Variants in MMP2 observed in about 807,000 individuals in gnomAD.
MMP2 encodes 72 kDa type IV collagenase.
In MMP2, 39 loss-of-function variants were observed where a neutral mutation model predicts 74.8. The ratio of observed to expected loss-of-function variants is 0.52; its 90% CI spans 0.40 to 0.68. The LOEUF is 0.68. Ranked by LOEUF, MMP2 falls within the 30% of genes least tolerant of loss-of-function variation. The probability of loss-of-function intolerance (pLI) is 0.00; values close to 1 mark genes in which losing one functional copy is unlikely to be tolerated. For missense variants in MMP2, 803 were observed against 878.3 expected (o/e 0.91, Z 1.08); for synonymous variants, 367 against 339.8 (o/e 1.08, Z -0.88).
intron 12 of MMP2, 139 bp from the exon 13 acceptor site, chr16:55,505,200 C>A: frequency 1.3e-6 from 1 of 799,848 alleles, no homozygotes; most frequent in Non-Finnish European, 2.2e-6. Flanking sequence ...AGCAATCCTC[C>A]TGCCTCAGCC....
At chr16:55,489,867 C>T in intron 7 of MMP2, 43 bp downstream of exon 7, 1 of 1,603,706 alleles carries the variant, frequency 6.2e-7, no homozygotes, top group Non-Finnish European at 8.5e-7. Context: ...GGACATTGCC[C>T]TTGCCCCTAA....
chr16:55,505,276 GA>G, intron 12 of MMP2, 62 bp from the exon 13 acceptor site: 1 of 1,382,782 alleles, frequency 7.2e-7, no homozygotes, highest in East Asian at 2.3e-5. Context: ...AAGTTCCCAG[GA>G]ACCTTCTGTG....
intron 3 of MMP2, among the ~76,000 whole-genome samples, chr16:55,484,884 G>T (rs1185766564): frequency 6.6e-6 from 1 of 152,206 alleles, no homozygotes; most frequent in Non-Finnish European, 1.5e-5. Context: ...GATTCATGTT[G>T]CAGATATTGG....
In MMP2 at chr16:55,496,851, G is replaced by T; in HGVS notation, c.1473-75G>T. 3.8e-6 allele frequency: 6 copies of T among 1,596,068 alleles called. No individual in the cohort carries two copies. The South Asian group carries it at 5.5e-5, about 15-fold the overall frequency. On this transcript the variant is annotated intron_variant, in intron 9 of 12. Coordinates refer to ENST00000219070, the MANE Select transcript of MMP2 (RefSeq NM_004530.6). ...TCATCTCTGGGATGTTTCTGGGTGG[G>T]TTTGGGGGTGTGTGTGGTTCGAGCT...
Position 55,498,410 on chromosome 16 carries a change from C to T in MMP2, c.1731C>T (p.Asn577=). The change falls in exon 11 of 13, where the codon AAC becomes AAT. Residue 577 remains asparagine (N), a synonymous_variant. Coordinates refer to ENST00000219070, the MANE Select transcript of MMP2 (RefSeq NM_004530.6). ...ATGCCGCCTTTAACTGGAGCAAAAA[C>T]AAGAAGACATACATCTTTGCTGGAG... ...RVDAAFNWSK[N]KKTYIFAGDK... is the part of the protein sequence containing the mutation. 6.2e-7 allele frequency: 1 copy of T among 1,614,228 alleles called. No individual in the cohort carries two copies. The highest frequency in any genetic ancestry group is 8.5e-7 in the Non-Finnish European group (1 of 1,180,046).
At chr16:55,482,780 G>T in intron 1 of MMP2, 129 bp from the exon 2 acceptor site, 1 of 795,562 alleles carries the variant, frequency 1.3e-6, no homozygotes. Context: ...CCAGTGCTCT[G>T]GGACCCCTGG....
chr16:55,495,382 G>A (rs897834248), intron 9 of MMP2, among the ~76,000 whole-genome samples: 2 of 152,190 alleles, frequency 1.3e-5, no homozygotes, highest in Non-Finnish European at 2.9e-5. Flanking sequence ...CAAAAGGAAC[G>A]TGATGAGTGT....
In MMP2 at chr16:55,479,467, A is replaced by T; in HGVS notation, c.-13A>T. On this transcript the variant is annotated 5_prime_UTR_variant, in exon 1 of 13. Transcript: ENST00000219070. Reference sequence around the variant, plus strand: ...CGACCCCCGGGCGACGCGCGGGGCCAGGGAGCGCTACGATGGAGGCGCTAA... The same window carrying T: ...CGACCCCCGGGCGACGCGCGGGGCCTGGGAGCGCTACGATGGAGGCGCTAA... 1 of 1,536,652 alleles carries T rather than the reference A, an allele frequency of 6.5e-7. No homozygotes were observed. The highest frequency in any genetic ancestry group is 8.8e-7 in the Non-Finnish European group (1 of 1,142,076).
At chr16:55,505,245 C>T (rs896239870) in intron 12 of MMP2, 94 bp from the exon 13 acceptor site, 16 of 1,052,088 alleles carry the variant, frequency 1.5e-5, no homozygotes, top group African/African-American at 6.3e-5. Flanking sequence ...AAGCTTCTTC[C>T]CTATGCCAGG....
chr16:55,487,782 T>G (rs979046694), intron 5 of MMP2: 3 of 152,302 alleles, frequency 2.0e-5, no homozygotes, highest in Admixed American at 6.5e-5. Flanking sequence ...ACTCTCCATT[T>G]ATGGCCCCTG....
chr16:55,479,630 G>C lies in MMP2; in HGVS notation c.151G>C (p.Val51Leu), dbSNP rs781310717. Residue 51 changes from valine (V) to leucine (L), a missense_variant and splice_region_variant, in exon 1 of 13, where the codon GTG becomes CTG. Around this residue, in one of 3 missense-constraint regions of MMP2, gnomAD observed 223 missense variants for 232.8 expected, o/e 0.96. Transcript: ENST00000219070. The stretch of plus-strand genomic sequence containing the variant: ...CCCCAAAACGGACAAAGAGTTGGCA[G>C]TGGTGAGTTGCTGCGCTGGCCTCAA... ...VAPKTDKELAVQYLNTFYGCP... is the reference protein window; with the variant it reads ...VAPKTDKELALQYLNTFYGCP... The C allele has an allele frequency of 6.2e-7, 1 of 1,613,688 alleles. No homozygotes were observed. Among genetic ancestry groups the C allele is most frequent in the Non-Finnish European group, 8.5e-7 (1 of 1,180,010 alleles).
chr16:55,483,960 T>C (rs2045618345), intron 2 of MMP2, 56 bp from the exon 3 acceptor site: 1 of 1,583,274 alleles, frequency 6.3e-7, no homozygotes, highest in Non-Finnish European at 8.7e-7. Flanking sequence ...CATACTTGCA[T>C]ATACATACAC....
intron 7 of MMP2, among the ~76,000 whole-genome samples, chr16:55,490,342 G>T (rs756569053): frequency 1.3e-5 from 2 of 152,206 alleles, no homozygotes; most frequent in Admixed American, 1.3e-4. Flanking sequence ...AGCCCCCAGA[G>T]CCCTCTCTCC....
intron 11 of MMP2, among the ~76,000 whole-genome samples, chr16:55,498,937 A>G (rs1204558856): frequency 6.6e-6 from 1 of 152,060 alleles, no homozygotes; most frequent in Admixed American, 6.6e-5. Flanking sequence ...GGAGGCCAAG[A>G]TGGGTGGATC....
rs1962218698 is a variant in MMP2 at position 55,485,425 on chromosome 16, A to G, written c.656A>G (p.Gln219Arg). ...DDELWTLGEGQVVRVKYGNAD... is the reference protein window; with the variant it reads ...DDELWTLGEGRVVRVKYGNAD... ...GAGCTATGGACCTTGGGAGAAGGCC[A>G]AGGTGAGAAAGGGGCCCTCTGCATG... Residue 219 changes from glutamine (Q) to arginine (R), a missense_variant and splice_region_variant, in exon 4 of 13, where the codon CAA becomes CGA. Gln to Arg is a conservative substitution (Grantham distance 43). Around this residue, in one of 3 missense-constraint regions of MMP2, gnomAD observed 555 missense variants for 592.0 expected, o/e 0.94. Coordinates refer to ENST00000219070, the MANE Select transcript of MMP2 (RefSeq NM_004530.6). 3 of 1,614,008 alleles carry G rather than the reference A, an allele frequency of 1.9e-6. No individual in the cohort carries two copies. Among genetic ancestry groups the G allele is most frequent in the South Asian group, 2.2e-5 (2 of 91,084 alleles).
chr16:55,502,254 G>A (rs1250005573), intron 11 of MMP2, among the ~76,000 whole-genome samples: 1 of 152,170 alleles, frequency 6.6e-6, no homozygotes, highest in Non-Finnish European at 1.5e-5. Context: ...TGAAGTGAAA[G>A]AATGATGGGG....
chr16:55,498,842 T>C (rs1447666350), intron 11 of MMP2, among the ~76,000 whole-genome samples: 3 of 152,234 alleles, frequency 2.0e-5, no homozygotes, highest in Admixed American at 6.5e-5. Context: ...TTCCTCCCAT[T>C]TTACAGATGA....
rs531794925 is a variant in MMP2 at position 55,496,563 on chromosome 16, A to G, written c.1473-363A>G. Among the ~76,000 whole-genome samples the G allele has an allele frequency of 1.1e-4, 16 of 152,312 alleles. 1 individual carries two copies. The highest frequency in any genetic ancestry group is 2.2e-4 in the African/African-American group (9 of 41,564). On this transcript the variant is annotated intron_variant, in intron 9 of 12. Transcript: ENST00000219070. ...TTGAGTGTCATCAGCTCCTGCCCCA[A>G]TTGGCCTCTAATCAAATAGGAGAGT...
intron 12 of MMP2, among the ~76,000 whole-genome samples, chr16:55,505,044 T>G (rs546795626): frequency 2.0e-5 from 3 of 152,190 alleles, no homozygotes; most frequent in African/African-American, 7.2e-5. Context: ...CTCGAACTCC[T>G]GGGCTTAAGC....
Sources: gnomAD v4.1 joint callset for allele counts (sites outside exome capture counted in the v4.1 genomes callset) on GRCh38, gnomAD v4.1.1 for gene constraint, gnomAD v4.1.1 regional missense constraint, MANE v1.5 for transcripts, NCBI Gene and HGNC (gene_info 2026-07-23, HGNC 2026-07-21) for gene names.